The following AKT3 variants were observed in gnomAD, a reference collection of about 807,000 sequenced individuals.
AKT3 encodes the protein RAC-gamma serine/threonine-protein kinase.
In AKT3, 15 loss-of-function variants were observed where a neutral mutation model predicts 65.3. That is an observed-to-expected ratio of 0.23 (90% CI 0.15 to 0.35). AKT3 has a LOEUF of 0.35. Ranked by LOEUF, AKT3 falls within the 10% of genes least tolerant of loss-of-function variation. AKT3 has a pLI of 1.00. For missense variants in AKT3, 243 were observed against 576.5 expected (o/e 0.42, Z 5.92); for synonymous variants, 206 against 183.8 (o/e 1.12, Z -0.98).
intron 3 of AKT3, among the ~76,000 whole-genome samples, chr1:243,676,639 C>T (rs1353314687): frequency 6.6e-6 from 1 of 152,148 alleles, no homozygotes; most frequent in East Asian, 1.9e-4. Flanking sequence ...TATACCAGTA[C>T]AGTTTTTCTA....
At chr1:243,598,012 A>G (rs1396811561) in intron 8 of AKT3, among the ~76,000 whole-genome samples, 1 of 152,230 alleles carries the variant, frequency 6.6e-6, no homozygotes, top group Non-Finnish European at 1.5e-5. Flanking sequence ...TGTACTAATA[A>G]TTAATGTACT....
intron 3 of AKT3, among the ~76,000 whole-genome samples, chr1:243,695,145 C>T (rs1362618057): frequency 2.6e-5 from 4 of 151,808 alleles, no homozygotes; most frequent in Non-Finnish European, 4.4e-5. Context: ...AATTTAACTA[C>T]GAACATAAAA....
intron 2 of AKT3, among the ~76,000 whole-genome samples, chr1:243,739,004 A>C (rs1256672652): frequency 3.9e-5 from 6 of 152,236 alleles, no homozygotes; most frequent in Admixed American, 2.0e-4. Context: ...ATTTAATCAA[A>C]TGGCAAATCC....
chr1:243,819,230 C>T (rs1267798583), intron 2 of AKT3, among the ~76,000 whole-genome samples: 1 of 152,226 alleles, frequency 6.6e-6, no homozygotes, highest in African/African-American at 2.4e-5. Flanking sequence ...ACTGCAGCTG[C>T]CTGCTGCCTA....
chr1:243,511,509 T>C (rs976117088), intron 13 of AKT3, among the ~76,000 whole-genome samples: 32 of 152,134 alleles, frequency 2.1e-4, no homozygotes, highest in Middle Eastern at 3.4e-3. Context: ...AGAAGACATA[T>C]AGGGAAGGAA....
chr1:243,517,404 G>A (rs1670436349), intron 12 of AKT3, among the ~76,000 whole-genome samples: 1 of 152,072 alleles, frequency 6.6e-6, no homozygotes, highest in African/African-American at 2.4e-5. Context: ...ATTTGAAGAT[G>A]GATATTGAAC....
chr1:243,804,040 A>C (rs986799652), intron 2 of AKT3, among the ~76,000 whole-genome samples: 5 of 152,184 alleles, frequency 3.3e-5, no homozygotes, highest in Admixed American at 1.3e-4. Context: ...CACACAGCAG[A>C]AGAAGACCCT....
At chr1:243,535,187 T>A (rs201114431) in intron 12 of AKT3, among the ~76,000 whole-genome samples, 53 of 5,940 alleles carry the variant, frequency 8.9e-3, no homozygotes, top group African/African-American at 0.032. Context: ...TTTAAAATAA[T>A]TTTAAAATAT....
intron 8 of AKT3, among the ~76,000 whole-genome samples, chr1:243,583,195 T>TACACACACAC (rs59711065): frequency 6.8e-5 from 6 of 88,318 alleles, no homozygotes; most frequent in South Asian, 4.2e-4. Context: ...TATATATATA[T>TACACACACAC]ACACACACAC....
chr1:243,646,949 C>G (rs1341101555), intron 4 of AKT3, among the ~76,000 whole-genome samples: 1 of 152,042 alleles, frequency 6.6e-6, no homozygotes, highest in Non-Finnish European at 1.5e-5. Context: ...CATTATTTTT[C>G]CATGTGAATT....
At chr1:243,771,000 T>C (rs1690146334) in intron 2 of AKT3, among the ~76,000 whole-genome samples, 1 of 152,132 alleles carries the variant, frequency 6.6e-6, no homozygotes, top group Admixed American at 6.6e-5. Flanking sequence ...ATCCACATGA[T>C]AATGCATGAT....
At chr1:243,631,624 C>G (rs754015323) in intron 6 of AKT3, among the ~76,000 whole-genome samples, 3 of 152,174 alleles carry the variant, frequency 2.0e-5, no homozygotes, top group Non-Finnish European at 4.4e-5. Flanking sequence ...AATGAAGTTT[C>G]CCATATTGAC....
At chr1:243,555,042 C>T (rs1474962125) in intron 10 of AKT3, among the ~76,000 whole-genome samples, 1 of 152,062 alleles carries the variant, frequency 6.6e-6, no homozygotes, top group African/African-American at 2.4e-5. Flanking sequence ...TTTTATTTAG[C>T]TTTGTAAAAT....
chr1:243,521,872 C>A (rs1449356305), intron 12 of AKT3, among the ~76,000 whole-genome samples: 1 of 152,164 alleles, frequency 6.6e-6, no homozygotes, highest in Non-Finnish European at 1.5e-5. Flanking sequence ...CTTGTATTTT[C>A]TTTTCTGTGA....
intron 5 of AKT3, among the ~76,000 whole-genome samples, chr1:243,639,932 C>T (rs566321926): frequency 3.2e-4 from 49 of 152,210 alleles, no homozygotes; most frequent in Non-Finnish European, 4.6e-4. Flanking sequence ...TTTGACAATA[C>T]CAAAATGAGA....
In AKT3 at chr1:243,598,215, T is replaced by C. The variant is rs1255866422; in HGVS notation, c.696+15456A>G. Reference sequence around the variant, plus strand: ...TTCAGAAATACCTCTCAAAAAATTATAAGAAAAATCATCCTTAAGGTTTTT... The same window carrying C: ...TTCAGAAATACCTCTCAAAAAATTACAAGAAAAATCATCCTTAAGGTTTTT... On this transcript the variant is annotated intron_variant, in intron 8 of 13. Coordinates refer to ENST00000673466, the MANE Select transcript of AKT3 (RefSeq NM_005465.7). 3.9e-5 allele frequency among the ~76,000 whole-genome samples: 6 copies of C among 152,248 alleles called. No individual in the cohort carries two copies. The East Asian group carries it at 1.2e-3, about 29-fold the overall frequency.
At chr1:243,661,239 T>A (rs1258927642) in intron 4 of AKT3, among the ~76,000 whole-genome samples, 1 of 151,238 alleles carries the variant, frequency 6.6e-6, no homozygotes, top group Non-Finnish European at 1.5e-5. Flanking sequence ...AAAAAGAGCC[T>A]GCATTGCCAA....
intron 2 of AKT3, among the ~76,000 whole-genome samples, chr1:243,824,339 C>T (rs1201558901): frequency 6.6e-6 from 1 of 152,144 alleles, no homozygotes; most frequent in Admixed American, 6.5e-5. Flanking sequence ...CCATTCAGGA[C>T]ACAGGCATGG....
chr1:243,829,953 T>C (rs1038421672), intron 2 of AKT3, among the ~76,000 whole-genome samples: 1 of 152,190 alleles, frequency 6.6e-6, no homozygotes, highest in African/African-American at 2.4e-5. Context: ...ACCGATCACA[T>C]CTGCAGTAAC....
Sources: allele counts gnomAD v4.1 joint callset (sites outside exome capture counted in the v4.1 genomes callset), GRCh38; gene constraint gnomAD v4.1.1; transcripts MANE v1.5; gene names NCBI Gene and HGNC (gene_info 2026-07-23, HGNC 2026-07-21).